NRG1: variants seen among roughly 807,000 people sequenced by gnomAD.
The protein encoded by NRG1 is neuregulin 1, also known as pro-neuregulin-1, membrane-bound isoform.
A neutral mutation model predicts 63.8 loss-of-function variants in NRG1; 18 were observed. That is an observed-to-expected ratio of 0.28 (90% CI 0.19 to 0.42). The LOEUF is 0.42. Ranked by LOEUF, NRG1 falls within the 10% of genes least tolerant of loss-of-function variation. NRG1 has a pLI of 1.00. For missense variants in NRG1, 762 were observed against 814.7 expected (o/e 0.94, Z 0.79); for synonymous variants, 302 against 301.3 (o/e 1.00, Z -0.02).
intron 1 of NRG1, among the ~76,000 whole-genome samples, chr8:32,266,569 A>G (rs1850960219): frequency 6.6e-6 from 1 of 152,312 alleles, no homozygotes; most frequent in East Asian, 1.9e-4. Context: ...CAGGGCAGAT[A>G]AAATTAGCAA....
chr8:31,683,423 A>C (rs564280480), intron 1 of NRG1, among the ~76,000 whole-genome samples: 1 of 152,190 alleles, frequency 6.6e-6, no homozygotes, highest in Non-Finnish European at 1.5e-5. Context: ...TCTTAAGTGC[A>C]TATCATTAAG....
chr8:31,813,657 A>G (rs759511670), intron 1 of NRG1, among the ~76,000 whole-genome samples: 25 of 150,500 alleles, frequency 1.7e-4, no homozygotes, highest in Non-Finnish European at 3.7e-4. Context: ...GACCCTCACT[A>G]TCTGGGACTA....
chr8:32,551,910 CT>C (rs34051371), intron 1 of NRG1, among the ~76,000 whole-genome samples: 9,895 of 112,036 alleles, frequency 0.088, 404 homozygotes, highest in Admixed American at 0.21. Flanking sequence ...AAAACCAGAG[CT>C]TTTTTTTTTT....
At chr8:32,130,372 C>T (rs118094706) in intron 1 of NRG1, among the ~76,000 whole-genome samples, 2,021 of 152,016 alleles carry the variant, frequency 0.013, 24 homozygotes, top group South Asian at 0.058. Flanking sequence ...TTTTTACCAA[C>T]TAACATTGGG....
At chr8:31,692,180 A>G (rs1809600486) in intron 1 of NRG1, among the ~76,000 whole-genome samples, 1 of 152,230 alleles carries the variant, frequency 6.6e-6, no homozygotes, top group African/African-American at 2.4e-5. Flanking sequence ...AGTAGTTGAA[A>G]CTCATTTTAG....
chr8:31,952,020 T>C (rs1052033146), intron 1 of NRG1, among the ~76,000 whole-genome samples: 4 of 152,194 alleles, frequency 2.6e-5, no homozygotes, highest in African/African-American at 9.6e-5. Flanking sequence ...CTGTCTTACT[T>C]TCCTACAGCT....
At position 32,016,055 on chromosome 8, in the gene NRG1, A is replaced by C. The variant is rs192024713; in HGVS notation, c.37+376624A>C. The stretch of plus-strand genomic sequence containing the variant: ...GTCTGAAATGAAACACTTAGCCTCT[A>C]TATTTTTTGGAAAAACAAATCCAAA... On this transcript the variant is annotated intron_variant, in intron 1 of 10. Coordinates refer to the NRG1 transcript ENST00000519301. Among the ~76,000 whole-genome samples the C allele has an allele frequency of 5.3e-5, 8 of 152,262 alleles. No homozygotes were observed. The East Asian group carries it at 1.5e-3, about 29-fold the overall frequency.
chr8:32,562,977 C>T (rs878893206), intron 1 of NRG1, among the ~76,000 whole-genome samples: 1 of 152,190 alleles, frequency 6.6e-6, no homozygotes, highest in Admixed American at 6.5e-5. Context: ...TCAGTGGTCT[C>T]TGATTTGGTG....
chr8:31,767,090 G>A (rs1264916585), intron 1 of NRG1, among the ~76,000 whole-genome samples: 1 of 151,982 alleles, frequency 6.6e-6, no homozygotes, highest in African/African-American at 2.4e-5. Flanking sequence ...TCTTTCAAGG[G>A]CTTGCTGTAA....
chr8:32,053,222 A>C (rs971801920), intron 1 of NRG1, among the ~76,000 whole-genome samples: 1 of 152,154 alleles, frequency 6.6e-6, no homozygotes, highest in Non-Finnish European at 1.5e-5. Context: ...CTAAGTCTCC[A>C]TATTTGACCA....
intron 5 of NRG1, among the ~76,000 whole-genome samples, chr8:32,703,482 A>G (rs1815507773): frequency 6.7e-6 from 1 of 148,216 alleles, no homozygotes; most frequent in Non-Finnish European, 1.5e-5. Flanking sequence ...GCAGTGAGCC[A>G]TGTTTGTGCC....
At chr8:31,808,110 T>A (rs865932421) in intron 1 of NRG1, among the ~76,000 whole-genome samples, 14 of 152,136 alleles carry the variant, frequency 9.2e-5, no homozygotes, top group Admixed American at 1.3e-4. Context: ...TTAACTGGAA[T>A]TATTTTTTAG....
intron 1 of NRG1, among the ~76,000 whole-genome samples, chr8:31,704,830 TAAAAA>T (rs373101607): frequency 1.7e-5 from 2 of 118,834 alleles, no homozygotes; most frequent in Non-Finnish European, 1.7e-5. Context: ...AGACTCCGTC[TAAAAA>T]AAAAAAAAAA....
At chr8:32,143,646 A>T (rs920692296) in intron 1 of NRG1, among the ~76,000 whole-genome samples, 14 of 152,252 alleles carry the variant, frequency 9.2e-5, no homozygotes, top group African/African-American at 3.4e-4. Flanking sequence ...GGGTGATGAA[A>T]TGTGAGAAGC....
intron 1 of NRG1, among the ~76,000 whole-genome samples, chr8:32,339,883 A>G (rs971992644): frequency 6.6e-6 from 1 of 151,976 alleles, no homozygotes; most frequent in Non-Finnish European, 1.5e-5. Flanking sequence ...GGCTTCTACT[A>G]TTGTTTCTAC....
intron 1 of NRG1, among the ~76,000 whole-genome samples, chr8:32,331,365 C>CAACAAA (rs1802628875): frequency 8.7e-6 from 1 of 115,500 alleles, no homozygotes; most frequent in Non-Finnish European, 1.7e-5. Flanking sequence ...ACAAAAAATA[C>CAACAAA]AAAAAAAAAA....
At chr8:31,786,824 A>G (rs1427392126) in intron 1 of NRG1, among the ~76,000 whole-genome samples, 2 of 152,116 alleles carry the variant, frequency 1.3e-5, no homozygotes, top group Non-Finnish European at 2.9e-5. Flanking sequence ...GAAACTCTGT[A>G]TATTCTGTTA....
At chr8:32,378,086 A>C (rs536438505) in intron 1 of NRG1, among the ~76,000 whole-genome samples, 1 of 152,316 alleles carries the variant, frequency 6.6e-6, no homozygotes, top group East Asian at 1.9e-4. Flanking sequence ...TTGTGGCTTA[A>C]TTCAGGCAGC....
intron 1 of NRG1, among the ~76,000 whole-genome samples, chr8:31,818,274 G>T (rs1823647571): frequency 6.6e-6 from 1 of 152,122 alleles, no homozygotes; most frequent in South Asian, 2.1e-4. Context: ...AGGATTTCTG[G>T]GTTCATGATG....
Sources: gnomAD v4.1 joint callset for allele counts (sites outside exome capture counted in the v4.1 genomes callset) on GRCh38, gnomAD v4.1.1 for gene constraint, MANE v1.5 for transcripts, NCBI Gene and HGNC (gene_info 2026-07-23, HGNC 2026-07-21) for gene names.